Variants in LIN54 observed in about 807,000 individuals in gnomAD.
The protein encoded by LIN54 is protein lin-54 homolog.
A neutral mutation model predicts 78.7 loss-of-function variants in LIN54; 9 were observed. The observed-to-expected ratio is 0.11, with a 90% confidence interval of 0.07 to 0.20. The LOEUF is 0.20. Among genes scored for constraint, LIN54 ranks in the 10% least tolerant of loss-of-function variants. LIN54 has a pLI of 1.00. For synonymous variants in LIN54, 269 were observed against 318.4 expected, an observed-to-expected ratio of 0.84 and a Z score of 1.65; for missense variants, 573 against 889.9, an observed-to-expected ratio of 0.64 and a Z score of 4.53.
intron 2 of LIN54, among the ~76,000 whole-genome samples, chr4:82,980,802 T>G (rs1726574028): frequency 6.6e-6 from 1 of 152,156 alleles, no homozygotes; most frequent in Non-Finnish European, 1.5e-5. Context: ...AAAGCCATAT[T>G]AGCAATAAAT....
chr4:82,970,597 G>A, intron 3 of LIN54, 128 bp from the exon 4 acceptor site: 1 of 814,464 alleles, frequency 1.2e-6, no homozygotes, highest in South Asian at 1.9e-5. Context: ...CACTTAATGA[G>A]GCACTAATGA....
At position 82,937,304 on chromosome 4, in the gene LIN54, C is replaced by T. The variant is rs746034577; in HGVS notation, c.1533-6G>A. The T allele has an allele frequency of 3.9e-6, 6 of 1,549,396 alleles. No individual in the cohort carries two copies. The highest frequency in any genetic ancestry group is 5.3e-6 in the Non-Finnish European group (6 of 1,141,100). On this transcript the variant is annotated splice_region_variant and splice_polypyrimidine_tract_variant and intron_variant, in intron 8 of 12. Coordinates refer to ENST00000340417, the MANE Select transcript of LIN54 (RefSeq NM_194282.4). ...CCGACTCTGATGGGATTATGCTGTA[C>T]AGATAGAAAAAAAGATATACATTTA... is the stretch of plus-strand genomic sequence containing the variant.
At chr4:82,996,355 T>A (rs922633374) in intron 1 of LIN54, among the ~76,000 whole-genome samples, 2 of 152,056 alleles carry the variant, frequency 1.3e-5, no homozygotes, top group Non-Finnish European at 2.9e-5. Flanking sequence ...TGTGAAGGTA[T>A]GGTAGAGAAA....
intron 1 of LIN54, among the ~76,000 whole-genome samples, chr4:82,990,382 T>A (rs1319136376): frequency 6.6e-6 from 1 of 151,652 alleles, no homozygotes; most frequent in Non-Finnish European, 1.5e-5. Flanking sequence ...TTCCCCCATA[T>A]CCCCCAAGTC....
Position 82,928,244 on chromosome 4 carries a change from G to A in LIN54, c.2108C>T (p.Ala703Val), listed in dbSNP as rs757699407. The A allele has an allele frequency of 6.2e-7, 1 of 1,614,124 alleles. No homozygotes were observed. Among genetic ancestry groups the A allele is most frequent in the East Asian group, 2.2e-5 (1 of 44,888 alleles). ...CTTCTTGTCTGCCTGCTCTGCCTGG[G>A]CAAGGAGGCAATTACATGTGGCTTC... Reference protein sequence around the residue: ...VAEATCNCLLAQAEQADKKGK... With the variant: ...VAEATCNCLLVQAEQADKKGK... The change falls in exon 13 of 13, where the codon GCC (alanine) becomes GTC (valine). Residue 703 changes from alanine (A) to valine (V), a missense_variant. This residue lies in a region of LIN54 where 82 missense variants were observed against 140.8 expected (regional missense o/e 0.58). Coordinates refer to ENST00000340417, the MANE Select transcript of LIN54 (RefSeq NM_194282.4).
chr4:82,946,795 GAATT>G (rs1450980983), intron 4 of LIN54, among the ~76,000 whole-genome samples: 1 of 151,974 alleles, frequency 6.6e-6, no homozygotes, highest in South Asian at 2.1e-4. Flanking sequence ...TATAAGAAAA[GAATT>G]ATTTTAAAAT....
intron 4 of LIN54, among the ~76,000 whole-genome samples, chr4:82,967,584 A>T (rs1578566361): frequency 6.6e-6 from 1 of 152,216 alleles, no homozygotes; most frequent in East Asian, 1.9e-4. Flanking sequence ...AAAGGTACTC[A>T]GGAGTGCCAG....
intron 4 of LIN54, among the ~76,000 whole-genome samples, chr4:82,947,231 A>ATTT (rs1390095473): frequency 1.1e-3 from 15 of 13,952 alleles, no homozygotes; most frequent in South Asian, 3.6e-3. Context: ...ATATATATAT[A>ATTT]TATATTTTTT....
At chr4:82,975,956 C>A (rs1199262650) in intron 3 of LIN54, among the ~76,000 whole-genome samples, 1 of 152,068 alleles carries the variant, frequency 6.6e-6, no homozygotes, top group African/African-American at 2.4e-5. Flanking sequence ...ACCTAGAAGT[C>A]AAAAACTTCC....
chr4:83,010,804 C>A lies in LIN54; in HGVS notation c.-353G>T. Reference sequence around the variant, plus strand: ...CCGACAGCCGGAGCCCGGGCCGCCGCCGCCGCCGCCACCACCAGTAACCTC... The same window carrying A: ...CCGACAGCCGGAGCCCGGGCCGCCGACGCCGCCGCCACCACCAGTAACCTC... On this transcript the variant is annotated 5_prime_UTR_variant, in exon 1 of 13. Transcript: ENST00000340417. 1.6e-6 allele frequency: 2 copies of A among 1,234,984 alleles called. No homozygotes were observed. Among genetic ancestry groups the A allele is most frequent in the Non-Finnish European group, 2.0e-6 (2 of 990,790 alleles). The allele number at this position is 1,234,984 out of a possible 1,614,324, so 76.5% of individuals were successfully genotyped here.
intron 5 of LIN54, among the ~76,000 whole-genome samples, chr4:82,942,856 GCGCGCACACA>G (rs1355047037): frequency 0.016 from 2,347 of 147,410 alleles, 33 homozygotes; most frequent in African/African-American, 0.021. Flanking sequence ...GTGCGTGTGC[GCGCGCACACA>G]CACACACACA....
intron 1 of LIN54, among the ~76,000 whole-genome samples, chr4:82,995,485 A>ATTTTTTTTTTTTTTTTTTTTTTTTTT (rs1553958258): frequency 1.1e-5 from 1 of 95,046 alleles, no homozygotes. Flanking sequence ...ACACATCCTT[A>ATTTTTTTTTTTTTTTTTTTTTTTTTT]TCTCTTTTTT....
chr4:82,940,134 AC>A (rs1339945990), intron 5 of LIN54, among the ~76,000 whole-genome samples, 172 bp from the exon 6 acceptor site: 1 of 152,214 alleles, frequency 6.6e-6, no homozygotes, highest in Non-Finnish European at 1.5e-5. Flanking sequence ...AAAATTGCTT[AC>A]CCCATCTACC....
At chr4:82,942,893 C>T (rs1368312681) in intron 5 of LIN54, among the ~76,000 whole-genome samples, 1 of 146,982 alleles carries the variant, frequency 6.8e-6, no homozygotes, top group South Asian at 2.2e-4. Context: ...CACACACACA[C>T]CCTCCCTCCC....
intron 4 of LIN54, among the ~76,000 whole-genome samples, chr4:82,960,929 A>AT (rs1724739183): frequency 6.6e-6 from 1 of 152,060 alleles, no homozygotes; most frequent in Non-Finnish European, 1.5e-5. Context: ...GGTGTGAGGC[A>AT]TGTGCGTGTA....
rs1278539012 is a variant in LIN54, at chr4:82,927,551, G to A, written c.*551C>T. ...GTGCCTGGGGATTGTTTCCCCTTCT[G>A]ACATTCCCAAAGTGACAACAGGATA... is the stretch of plus-strand genomic sequence containing the variant. On this transcript the variant is annotated 3_prime_UTR_variant, in exon 13 of 13. Transcript: ENST00000340417. The A allele has an allele frequency of 1.3e-5, 2 of 152,174 alleles. No homozygotes were observed. The highest frequency in any genetic ancestry group is 3.9e-4 in the East Asian group (2 of 5,190). The allele number at this position is 152,174 out of a possible 1,614,324, so 9.4% of individuals were successfully genotyped here.
intron 5 of LIN54, among the ~76,000 whole-genome samples, chr4:82,942,501 T>C (rs994221904): frequency 6.6e-6 from 1 of 152,182 alleles, no homozygotes; most frequent in Non-Finnish European, 1.5e-5. Flanking sequence ...CAGTTTGAAG[T>C]TGTTCCTGTT....
chr4:82,947,776 T>C (rs961956616), intron 4 of LIN54, among the ~76,000 whole-genome samples: 4 of 152,056 alleles, frequency 2.6e-5, no homozygotes, highest in African/African-American at 9.7e-5. Flanking sequence ...ACCAGATATA[T>C]AGTATTATTT....
chr4:82,945,542 G>A (rs1244526382), intron 5 of LIN54, among the ~76,000 whole-genome samples: 1 of 151,746 alleles, frequency 6.6e-6, no homozygotes, highest in Non-Finnish European at 1.5e-5. Flanking sequence ...CGCCCAGGCT[G>A]GTGTGCAGTG....
Sources: allele counts gnomAD v4.1 joint callset (sites outside exome capture counted in the v4.1 genomes callset), GRCh38; gene constraint gnomAD v4.1.1; regional missense constraint gnomAD v4.1.1; transcripts MANE v1.5; gene names NCBI Gene and HGNC (gene_info 2026-07-23, HGNC 2026-07-21).